The following RNF20 variants were observed in gnomAD, a reference collection of about 807,000 sequenced individuals.
RNF20 encodes the protein ring finger protein 20.
RNF20 carries 84 observed loss-of-function variants against 126.2 expected under a neutral mutation model. That is an observed-to-expected ratio of 0.67 (90% CI 0.56 to 0.80). The LOEUF (loss-of-function observed/expected upper bound fraction) is 0.80, where lower values mean the gene tolerates loss of function less well. RNF20 is among the 30% of genes least tolerant of loss of function. The pLI is 0.00. For missense variants in RNF20, 869 were observed against 1,188.2 expected, an observed-to-expected ratio of 0.73 and a Z score of 3.95; for synonymous variants, 400 against 414.3, an observed-to-expected ratio of 0.97 and a Z score of 0.42.
At chr9:101,536,552 T>G (rs1472857356) in intron 2 of RNF20, among the ~76,000 whole-genome samples, 1 of 152,182 alleles carries the variant, frequency 6.6e-6, no homozygotes, top group African/African-American at 2.4e-5. Context: ...GATTTTTGTT[T>G]TAGCACTGCC....
Position 101,552,392 on chromosome 9 carries a change from C to T in RNF20, c.1540C>T (p.Arg514Cys), listed in dbSNP as rs1189305225. Residue 514 changes from arginine to cysteine, a missense_variant, in exon 13 of 20, where the codon CGT becomes TGT. Physicochemically the swap from Arg to Cys is radical, Grantham distance 180. Around this residue, in one of 8 missense-constraint regions of RNF20, gnomAD observed 231 missense variants for 263.6 expected, o/e 0.88. Coordinates refer to ENST00000389120, the MANE Select transcript of RNF20 (RefSeq NM_019592.7). ...TTCTTTATTCTCCCAGACACGCCTG[C>T]GTAGTGGTAGTGCCCTCCTGCAGTC... ...AQSDLNKTRL[R>C]SGSALLQSQS... is the part of the protein sequence containing the mutation. 19 of 1,605,032 alleles carry T rather than the reference C, an allele frequency of 1.2e-5. No individual in the cohort carries two copies. The highest frequency in any genetic ancestry group is 1.7e-4 in the Middle Eastern group (1 of 6,014).
chr9:101,547,581 C>T (rs1827373230), intron 9 of RNF20, 63 bp downstream of exon 9: 1 of 1,577,230 alleles, frequency 6.3e-7, no homozygotes. Context: ...CACGTATATA[C>T]ATAGTTGTGA....
rs1182422649 is a variant in RNF20 at position 101,552,627 on chromosome 9, G to A, written c.1775G>A (p.Arg592Gln). The A allele has an allele frequency of 1.3e-6, 2 of 1,527,146 alleles. No individual in the cohort carries two copies. Among genetic ancestry groups the A allele is most frequent in the Non-Finnish European group, 1.8e-6 (2 of 1,100,830 alleles). The allele number at this position is 1,527,146 out of a possible 1,614,324, so 94.6% of individuals were successfully genotyped here. The change falls in exon 13 of 20, where the codon CGA (arginine) becomes CAA (glutamine). Residue 592 changes from arginine (R) to glutamine (Q), a missense_variant. By Grantham distance (43) the Arg-to-Gln change is conservative. Around this residue, in one of 8 missense-constraint regions of RNF20, gnomAD observed 231 missense variants for 263.6 expected, o/e 0.88. Transcript: ENST00000389120. The stretch of plus-strand genomic sequence containing the variant: ...CGGGAGAAGGAGAAGGAGAGAGAAC[G>A]AGAGAAGCAGAAGCTAAAAGAGTCA... The part of the protein sequence containing the change: ...REREKEKERE[R>Q]EKQKLKESEK...
intron 15 of RNF20, among the ~76,000 whole-genome samples, chr9:101,555,403 A>G (rs1827517211): frequency 6.6e-6 from 1 of 152,118 alleles, no homozygotes; most frequent in African/African-American, 2.4e-5. Context: ...TCATAGAACT[A>G]TAGAGATTGT....
At chr9:101,546,551 T>C (rs1827350245) in intron 6 of RNF20, among the ~76,000 whole-genome samples, 1 of 152,158 alleles carries the variant, frequency 6.6e-6, no homozygotes, top group Admixed American at 6.5e-5. Context: ...AAATGGTGCT[T>C]TTCAGAGGTA....
chr9:101,554,731 A>G lies in RNF20; in HGVS notation c.2057A>G (p.Asp686Gly), dbSNP rs1304054429. Residue 686 changes from aspartate (D) to glycine (G), a missense_variant, in exon 15 of 20, where the codon GAT becomes GGT. This residue lies in a region of RNF20 where 231 missense variants were observed against 263.6 expected (regional missense o/e 0.88). Coordinates refer to ENST00000389120, the MANE Select transcript of RNF20 (RefSeq NM_019592.7). ...DLRQRLKDLE[D>G]KEKKENKKMA... ...AGGCAAAGACTCAAGGATCTGGAAG[A>G]TAAAGAGAAGAAAGAGAACAAGAAA... 1.2e-6 allele frequency: 2 copies of G among 1,610,302 alleles called. No homozygotes were observed. The highest frequency in any genetic ancestry group is 2.2e-5 in the East Asian group (1 of 44,732).
At chr9:101,547,321 G>C (rs1459279970) in intron 8 of RNF20, 78 bp from the exon 9 acceptor site, 6 of 1,603,994 alleles carry the variant, frequency 3.7e-6, no homozygotes, top group East Asian at 2.2e-5. Context: ...CTGGAATAGC[G>C]AATCAGTGAA....
chr9:101,557,137 A>G (rs1827548546), intron 15 of RNF20, among the ~76,000 whole-genome samples: 1 of 152,222 alleles, frequency 6.6e-6, no homozygotes, highest in African/African-American at 2.4e-5. Context: ...ATTAAGGTAA[A>G]TACAATTATT....
At chr9:101,546,273 C>T (rs1252180339) in intron 6 of RNF20, among the ~76,000 whole-genome samples, 2 of 152,058 alleles carry the variant, frequency 1.3e-5, no homozygotes, top group Non-Finnish European at 2.9e-5. Flanking sequence ...TGGTGTATAG[C>T]TCCTAAATAG....
chr9:101,539,364 G>A (rs1827226567), intron 2 of RNF20, among the ~76,000 whole-genome samples: 1 of 152,150 alleles, frequency 6.6e-6, no homozygotes, highest in African/African-American at 2.4e-5. Flanking sequence ...ATTCAGATTG[G>A]GGTTTGTTGA....
Position 101,554,003 on chromosome 9 carries a change from C to T in RNF20, c.1917C>T (p.Ser639=). The change falls in exon 14 of 20, where the codon AGC becomes AGT. Residue 639 remains serine, a synonymous_variant. Transcript: ENST00000389120. ...CCTGTCATAGGAAGGCACAGGAGAG[C>T]CAAAAGGAGATGAAACTATTGCTGG... ...LKIELKKAQE[S]QKEMKLLLDM... 1 of 1,611,792 alleles carries T rather than the reference C, an allele frequency of 6.2e-7. No individual in the cohort carries two copies. Among genetic ancestry groups the T allele is most frequent in the Non-Finnish European group, 8.5e-7 (1 of 1,178,146 alleles).
At chr9:101,548,979 A>G (rs565396311) in intron 9 of RNF20, among the ~76,000 whole-genome samples, 5 of 152,354 alleles carry the variant, frequency 3.3e-5, no homozygotes, top group African/African-American at 1.2e-4. Context: ...ACGATTGGTG[A>G]TCCTGTTGGT....
chr9:101,554,579 T>C, intron 14 of RNF20, 115 bp from the exon 15 acceptor site: 4 of 805,256 alleles, frequency 5.0e-6, no homozygotes, highest in East Asian at 2.8e-5. Context: ...CCTTGTTCTA[T>C]AATTCTGTAA....
At chr9:101,550,488 A>T (rs1161662804) in intron 9 of RNF20, 118 bp from the exon 10 acceptor site, 3 of 821,890 alleles carry the variant, frequency 3.7e-6, no homozygotes, top group Non-Finnish European at 5.9e-6. Flanking sequence ...TAACTTAATA[A>T]TCTTTATAAA....
chr9:101,560,802 T>G lies in RNF20; in HGVS notation c.2384T>G (p.Val795Gly). The G allele has an allele frequency of 6.2e-7, 1 of 1,606,958 alleles. No homozygotes were observed. Among genetic ancestry groups the G allele is most frequent in the Non-Finnish European group, 8.5e-7 (1 of 1,177,902 alleles). ...TAAAATCTGATTTTCTGTTCAAAGGTTGATGCCCAGCTACAGGTAGTAAGG... is the reference window on the plus strand; with the variant it reads ...TAAAATCTGATTTTCTGTTCAAAGGGTGATGCCCAGCTACAGGTAGTAAGG... ...ADQVLTLKTQ[V>G]DAQLQVVRKL... is the part of the protein sequence containing the mutation. The change falls in exon 17 of 20, where the codon GTT (valine) becomes GGT (glycine). Residue 795 changes from valine (V) to glycine (G), a missense_variant and splice_region_variant. This residue lies in a region of RNF20 where 150 missense variants were observed against 173.7 expected (regional missense o/e 0.86). Transcript: ENST00000389120.
chr9:101,548,177 G>A (rs1047563895), intron 9 of RNF20, among the ~76,000 whole-genome samples: 2 of 152,142 alleles, frequency 1.3e-5, no homozygotes, highest in African/African-American at 4.8e-5. Context: ...GTGTGTATAT[G>A]TGCAACAGCA....
intron 9 of RNF20, among the ~76,000 whole-genome samples, chr9:101,549,066 C>A (rs1341993499): frequency 6.6e-6 from 1 of 152,176 alleles, no homozygotes; most frequent in African/African-American, 2.4e-5. Context: ...GTGGGTCTCT[C>A]CCTGTGTGCG....
chr9:101,559,790 G>A (rs1194819297), intron 16 of RNF20, among the ~76,000 whole-genome samples: 1 of 152,106 alleles, frequency 6.6e-6, no homozygotes, highest in East Asian at 1.9e-4. Flanking sequence ...ACCAGTTCTA[G>A]CACCTTTCTG....
At chr9:101,556,579 A>G (rs1278467978) in intron 15 of RNF20, among the ~76,000 whole-genome samples, 2 of 152,192 alleles carry the variant, frequency 1.3e-5, no homozygotes, top group Non-Finnish European at 2.9e-5. Flanking sequence ...GCATCCATCA[A>G]AAAGCTAGAA....
Sources: gnomAD v4.1 joint callset for allele counts (sites outside exome capture counted in the v4.1 genomes callset) on GRCh38, gnomAD v4.1.1 for gene constraint, gnomAD v4.1.1 regional missense constraint, MANE v1.5 for transcripts, NCBI Gene and HGNC (gene_info 2026-07-23, HGNC 2026-07-21) for gene names.